The following NELL1 variants were observed in gnomAD, a reference collection of about 807,000 sequenced individuals.
NELL1 encodes neural EGFL like 1.
A neutral mutation model predicts 107.4 loss-of-function variants in NELL1; 76 were observed. That is an observed-to-expected ratio of 0.71 (90% confidence interval 0.59 to 0.86). NELL1 has a LOEUF of 0.86. NELL1 is among the 40% of genes least tolerant of loss of function. The pLI is 0.00. For missense variants in NELL1, 1,024 were observed against 1,005.5 expected (o/e 1.02, Z -0.25); for synonymous variants, 353 against 341.2 (o/e 1.03, Z -0.38).
At chr11:20,935,275 C>T (rs1850699795) in intron 9 of NELL1, among the ~76,000 whole-genome samples, 1 of 152,066 alleles carries the variant, frequency 6.6e-6, no homozygotes, top group Non-Finnish European at 1.5e-5. Flanking sequence ...AAAGTGAGGA[C>T]GATTAACCAG....
At chr11:20,689,826 G>C (rs1351630893) in intron 2 of NELL1, among the ~76,000 whole-genome samples, 1 of 151,450 alleles carries the variant, frequency 6.6e-6, no homozygotes, top group Non-Finnish European at 1.5e-5. Context: ...GGGTCAAATG[G>C]TATTTCTAGT....
At chr11:21,427,471 A>G (rs1045878765) in intron 15 of NELL1, among the ~76,000 whole-genome samples, 2 of 152,220 alleles carry the variant, frequency 1.3e-5, no homozygotes, top group African/African-American at 4.8e-5. Flanking sequence ...ATCTCCCTCT[A>G]AACTTCAATC....
chr11:21,508,427 G>T (rs923167369), intron 15 of NELL1, among the ~76,000 whole-genome samples: 66 of 152,058 alleles, frequency 4.3e-4, no homozygotes, highest in Admixed American at 4.2e-3. Flanking sequence ...TATGAGCAAG[G>T]TCAGTGAAAC....
intron 15 of NELL1, among the ~76,000 whole-genome samples, chr11:21,387,773 C>T (rs1945443): frequency 0.64 from 97,345 of 151,556 alleles, 31,434 homozygotes; most frequent in South Asian, 0.69. Context: ...TACACCACAT[C>T]GATATTCTGA....
intron 14 of NELL1, among the ~76,000 whole-genome samples, chr11:21,333,268 G>A (rs1456913402): frequency 6.9e-6 from 1 of 144,374 alleles, no homozygotes; most frequent in Admixed American, 7.0e-5. Flanking sequence ...ACCATGGCCA[G>A]ACTTGCAGTC....
intron 13 of NELL1, among the ~76,000 whole-genome samples, chr11:21,184,905 T>C (rs1473492470): frequency 1.3e-5 from 2 of 151,920 alleles, no homozygotes; most frequent in Non-Finnish European, 2.9e-5. Flanking sequence ...TGATATGCAA[T>C]GTAAATATGT....
chr11:20,781,379 C>A (rs887995415), intron 2 of NELL1, among the ~76,000 whole-genome samples: 3 of 151,612 alleles, frequency 2.0e-5, no homozygotes, highest in Non-Finnish European at 4.4e-5. Flanking sequence ...TGAAGGTGAA[C>A]GTTTGAATTT....
chr11:21,258,693 C>T (rs751710605), intron 14 of NELL1, among the ~76,000 whole-genome samples: 12 of 152,044 alleles, frequency 7.9e-5, no homozygotes, highest in East Asian at 1.9e-4. Context: ...CAAAAAAACA[C>T]GCTCACAGAA....
At chr11:21,428,640 T>C (rs901706552) in intron 15 of NELL1, among the ~76,000 whole-genome samples, 1 of 152,180 alleles carries the variant, frequency 6.6e-6, no homozygotes, top group African/African-American at 2.4e-5. Flanking sequence ...TTAGAATTTG[T>C]TTGTTTGCTT....
intron 14 of NELL1, among the ~76,000 whole-genome samples, chr11:21,298,929 C>T (rs1458792887): frequency 1.3e-5 from 2 of 151,942 alleles, no homozygotes; most frequent in Non-Finnish European, 2.9e-5. Flanking sequence ...TCCTGTGAGG[C>T]TATTTTGTAT....
intron 13 of NELL1, among the ~76,000 whole-genome samples, chr11:21,158,753 A>C (rs1856299712): frequency 6.6e-6 from 1 of 152,178 alleles, no homozygotes; most frequent in African/African-American, 2.4e-5. Flanking sequence ...GTGGGCAAGC[A>C]GTTTTATTTT....
At chr11:21,141,537 A>T (rs943588147) in intron 13 of NELL1, among the ~76,000 whole-genome samples, 2 of 152,142 alleles carry the variant, frequency 1.3e-5, no homozygotes, top group East Asian at 1.9e-4. Context: ...TGTGGTCAAG[A>T]TAAATTATGC....
chr11:21,051,423 T>A (rs530144788), intron 12 of NELL1, among the ~76,000 whole-genome samples: 4 of 151,700 alleles, frequency 2.6e-5, no homozygotes, highest in African/African-American at 7.3e-5. Context: ...AGACTATACA[T>A]TGGGTACGTG....
At chr11:21,136,427 G>T (rs1255027207) in intron 13 of NELL1, among the ~76,000 whole-genome samples, 1 of 152,164 alleles carries the variant, frequency 6.6e-6, no homozygotes, top group Admixed American at 6.5e-5. Context: ...AGCAGTGGTA[G>T]GATAGTCACT....
At chr11:20,831,243 G>T (rs2134037056) in intron 3 of NELL1, among the ~76,000 whole-genome samples, 1 of 152,168 alleles carries the variant, frequency 6.6e-6, no homozygotes, top group East Asian at 1.9e-4. Context: ...TCATGGTGTG[G>T]CCTGCAAACC....
chr11:21,298,546 G>A (rs187939483), intron 14 of NELL1, among the ~76,000 whole-genome samples: 1 of 152,022 alleles, frequency 6.6e-6, no homozygotes, highest in Non-Finnish European at 1.5e-5. Flanking sequence ...GCCTGCAGGA[G>A]TTTCTGCTGA....
chr11:20,972,466 T>A lies in NELL1; in HGVS notation c.1300+11906T>A, dbSNP rs528144357. Reference sequence around the variant, plus strand: ...TACAGTGACTATGATGAATGCTGGATGTCTGATGGAGAAGTGTGGGGTGGT... The same window carrying A: ...TACAGTGACTATGATGAATGCTGGAAGTCTGATGGAGAAGTGTGGGGTGGT... On this transcript the variant is annotated intron_variant, in intron 12 of 19. Coordinates refer to ENST00000357134, the MANE Select transcript of NELL1 (RefSeq NM_006157.5). Among the ~76,000 whole-genome samples the A allele has an allele frequency of 2.6e-5, 4 of 152,180 alleles. No homozygotes were observed. In the South Asian group the frequency reaches 8.3e-4, roughly 32 times the overall value.
At chr11:21,026,986 C>A (rs965769816) in intron 12 of NELL1, among the ~76,000 whole-genome samples, 6 of 152,048 alleles carry the variant, frequency 3.9e-5, no homozygotes, top group Non-Finnish European at 8.8e-5. Flanking sequence ...TTCCTGTGGG[C>A]TATGACATGG....
chr11:21,366,337 G>T (rs188945922), intron 14 of NELL1, among the ~76,000 whole-genome samples: 1 of 152,146 alleles, frequency 6.6e-6, no homozygotes, highest in Admixed American at 6.6e-5. Flanking sequence ...TGGCAGGCAT[G>T]GTCCTTTGCT....
Sources: allele counts gnomAD v4.1 joint callset (sites outside exome capture counted in the v4.1 genomes callset), GRCh38; gene constraint gnomAD v4.1.1; transcripts MANE v1.5; gene names NCBI Gene and HGNC (gene_info 2026-07-23, HGNC 2026-07-21).